Variants in PCDH15 observed in about 807,000 individuals in gnomAD.
The protein encoded by PCDH15 is protocadherin-15.
PCDH15 carries 129 observed loss-of-function variants against 178.5 expected under a neutral mutation model. That is an observed-to-expected ratio of 0.72 (90% CI 0.63 to 0.84). PCDH15 has a LOEUF of 0.84. PCDH15 is among the 40% of genes least tolerant of loss of function. The pLI, the probability that PCDH15 is intolerant of heterozygous loss-of-function variation, is 0.00. For missense variants in PCDH15, 2,230 were observed against 2,099.9 expected, an observed-to-expected ratio of 1.06 and a Z score of -1.21; for synonymous variants, 800 against 732.0, an observed-to-expected ratio of 1.09 and a Z score of -1.50.
At chr10:55,469,565 C>T (rs1167246050) in intron 2 of PCDH15, among the ~76,000 whole-genome samples, 1 of 151,864 alleles carries the variant, frequency 6.6e-6, no homozygotes, top group African/African-American at 2.4e-5. Context: ...GAATATTGCT[C>T]AGTTTTATAT....
chr10:54,617,646 A>C (rs12573624), intron 2 of PCDH15, among the ~76,000 whole-genome samples: 2,482 of 151,448 alleles, frequency 0.016, 42 homozygotes, highest in East Asian at 0.069. Flanking sequence ...AAAAGAAAAG[A>C]AAAGGCCAGG....
intron 2 of PCDH15, among the ~76,000 whole-genome samples, chr10:54,982,132 G>C (rs567041682): frequency 1.1e-3 from 163 of 152,086 alleles, no homozygotes; most frequent in Non-Finnish European, 1.7e-3. Context: ...AAAAAACAAA[G>C]CTGTTATAAA....
chr10:55,602,185 T>TA (rs1240518832), intron 2 of PCDH15, among the ~76,000 whole-genome samples: 1 of 152,052 alleles, frequency 6.6e-6, no homozygotes, highest in Admixed American at 6.6e-5. Context: ...CCAACCGGCG[T>TA]AAAAAACAGC....
chr10:54,907,641 CA>C (rs980854261), intron 2 of PCDH15, among the ~76,000 whole-genome samples: 4 of 152,026 alleles, frequency 2.6e-5, no homozygotes, highest in East Asian at 3.9e-4. Context: ...CAATGTTCTC[CA>C]AAAAAATATG....
chr10:54,825,723 T>G (rs1463458638), intron 3 of PCDH15, among the ~76,000 whole-genome samples: 1 of 152,156 alleles, frequency 6.6e-6, no homozygotes, highest in Non-Finnish European at 1.5e-5. Context: ...TGGGGTTGTT[T>G]GTTTAAAAAG....
In PCDH15 at chr10:53,827,441, G is replaced by C. The variant is rs764173741; in HGVS notation, c.4319C>G (p.Pro1440Arg). 6.2e-7 allele frequency: 1 copy of C among 1,612,962 alleles called. No homozygotes were observed. The highest frequency in any genetic ancestry group is 1.7e-5 in the Admixed American group (1 of 59,936). ...APVAAPPPPP[P>R]PPPGAHLYEE... ...ATAGAGATGCGCACCTGGCGGAGGCGGCGGCGGCGGCGGGGGCGCTGCCAC... is the reference window on the plus strand; with the variant it reads ...ATAGAGATGCGCACCTGGCGGAGGCCGCGGCGGCGGCGGGGGCGCTGCCAC... Residue 1440 changes from proline (P) to arginine (R), a missense_variant, in exon 32 of 38, where the codon CCG becomes CGG. Pro to Arg is a moderately radical substitution (Grantham distance 103, BLOSUM62 -2). Transcript: ENST00000644397.
At chr10:54,293,168 C>A (rs1479521312) in intron 8 of PCDH15, among the ~76,000 whole-genome samples, 1 of 152,132 alleles carries the variant, frequency 6.6e-6, no homozygotes, top group Non-Finnish European at 1.5e-5. Context: ...CACCACACAT[C>A]TGCAACCATC....
chr10:54,082,375 C>T (rs2135974574), intron 16 of PCDH15, among the ~76,000 whole-genome samples: 1 of 152,188 alleles, frequency 6.6e-6, no homozygotes, highest in East Asian at 1.9e-4. Flanking sequence ...AAAATTCAGG[C>T]ACTCAAAAGT....
chr10:55,106,862 T>C (rs1283215363), intron 2 of PCDH15, among the ~76,000 whole-genome samples: 1 of 152,244 alleles, frequency 6.6e-6, no homozygotes, highest in Non-Finnish European at 1.5e-5. Context: ...TAGCTCACCA[T>C]GGTTAACTCC....
intron 3 of PCDH15, among the ~76,000 whole-genome samples, chr10:54,853,452 T>C (rs901320521): frequency 3.9e-5 from 5 of 127,054 alleles, no homozygotes; most frequent in East Asian, 2.3e-4. Flanking sequence ...TATATATATA[T>C]ACACATACAT....
At chr10:54,332,517 C>T (rs767956313) in intron 6 of PCDH15, among the ~76,000 whole-genome samples, 1 of 149,812 alleles carries the variant, frequency 6.7e-6, no homozygotes, top group Non-Finnish European at 1.5e-5. Context: ...TTATTTTTCT[C>T]TTGCTTAAAT....
intron 2 of PCDH15, among the ~76,000 whole-genome samples, chr10:55,551,816 G>T (rs952239059): frequency 6.6e-6 from 1 of 151,724 alleles, no homozygotes; most frequent in Non-Finnish European, 1.5e-5. Flanking sequence ...GAGGAATAAT[G>T]TGACTTTAAA....
chr10:55,602,305 T>C (rs1420543828), intron 2 of PCDH15, among the ~76,000 whole-genome samples: 1 of 151,692 alleles, frequency 6.6e-6, no homozygotes, highest in African/African-American at 2.4e-5. Context: ...GCAGCGAGGC[T>C]GGGGGAGGGG....
intron 2 of PCDH15, among the ~76,000 whole-genome samples, chr10:54,977,581 C>T (rs1292643275): frequency 6.6e-6 from 1 of 152,120 alleles, no homozygotes; most frequent in African/African-American, 2.4e-5. Context: ...ATGAATAATC[C>T]ACTCCTTGTT....
At chr10:54,784,132 C>T (rs1024722240) in intron 1 of PCDH15, among the ~76,000 whole-genome samples, 2 of 151,972 alleles carry the variant, frequency 1.3e-5, no homozygotes, top group South Asian at 4.1e-4. Flanking sequence ...ATTTAATTAG[C>T]TCCACCTAGC....
chr10:54,019,968 G>A (rs1438736252), intron 20 of PCDH15, among the ~76,000 whole-genome samples: 1 of 151,998 alleles, frequency 6.6e-6, no homozygotes, highest in Non-Finnish European at 1.5e-5. Context: ...CATGGTCTTT[G>A]TACACATATT....
chr10:55,030,545 C>T (rs956378678), intron 2 of PCDH15, among the ~76,000 whole-genome samples: 2 of 152,060 alleles, frequency 1.3e-5, no homozygotes, highest in Admixed American at 1.3e-4. Context: ...GACAGAAAAA[C>T]AATTAAATAC....
chr10:54,529,806 C>T (rs2083724653), intron 2 of PCDH15, among the ~76,000 whole-genome samples: 1 of 151,900 alleles, frequency 6.6e-6, no homozygotes, highest in Admixed American at 6.6e-5. Flanking sequence ...TATTTATTTA[C>T]TGTTTTATAA....
chr10:53,807,364 A>G (rs1841258868), intron 37 of PCDH15, among the ~76,000 whole-genome samples: 1 of 152,158 alleles, frequency 6.6e-6, no homozygotes, highest in African/African-American at 2.4e-5. Context: ...GTTGGAAAGC[A>G]GACATTTCAG....
Sources: gnomAD v4.1 joint callset for allele counts (sites outside exome capture counted in the v4.1 genomes callset) on GRCh38, gnomAD v4.1.1 for gene constraint, MANE v1.5 for transcripts, NCBI Gene and HGNC (gene_info 2026-07-23, HGNC 2026-07-21) for gene names.